The following PCP4L1 variants were observed in gnomAD, a reference collection of about 807,000 sequenced individuals.
PCP4L1 encodes the protein Purkinje cell protein 4 like 1.
Under a neutral mutation model 9.6 loss-of-function variants are expected in PCP4L1, and 9 were observed. That is an observed-to-expected ratio of 0.94 (90% confidence interval 0.57 to 1.64). PCP4L1 has a LOEUF of 1.64. PCP4L1 is among the 40% of genes most tolerant of loss of function. The pLI, the probability that PCP4L1 is intolerant of heterozygous loss-of-function variation, is 0.00. For synonymous variants in PCP4L1, 31 were observed against 28.2 expected (o/e 1.10, Z -0.31); for missense variants, 81 against 80.8 (o/e 1.00, Z -0.01).
chr1:161,269,765 G>A (rs553023317), intron 1 of PCP4L1, among the ~76,000 whole-genome samples: 4 of 152,282 alleles, frequency 2.6e-5, no homozygotes, highest in East Asian at 1.9e-4. Flanking sequence ...TTGGGAGGCC[G>A]AGGCAGGAGT....
At chr1:161,281,711 G>GAT (rs1202082534) in intron 1 of PCP4L1, among the ~76,000 whole-genome samples, 2 of 147,604 alleles carry the variant, frequency 1.4e-5, no homozygotes, top group East Asian at 2.0e-4. Flanking sequence ...CTTCTCAGAC[G>GAT]GGGCGGCCGG....
intron 1 of PCP4L1, 37 bp from the exon 2 acceptor site, chr1:161,283,631 A>C: frequency 6.5e-7 from 1 of 1,541,502 alleles, no homozygotes; most frequent in Non-Finnish European, 8.8e-7. Flanking sequence ...TACTTCCATG[A>C]ATATCTAATA....
intron 1 of PCP4L1, among the ~76,000 whole-genome samples, chr1:161,283,134 C>A (rs12058006): frequency 1.3e-5 from 2 of 152,134 alleles, no homozygotes; most frequent in Non-Finnish European, 2.9e-5. Context: ...TCTCTCCACT[C>A]CAACTACACT....
Position 161,258,895 on chromosome 1 carries a change from A to T in PCP4L1, c.-80A>T. ...CCTGCCGCAGAGCCCGGCAACTTTC[A>T]GCTGTCGCCCGCGGAGCCCCGAGGG... On this transcript the variant is annotated 5_prime_UTR_variant, in exon 1 of 3. Transcript: ENST00000504449. 1 of 1,532,168 alleles carries T rather than the reference A, an allele frequency of 6.5e-7. No individual in the cohort carries two copies. Among genetic ancestry groups the T allele is most frequent in the South Asian group, 1.2e-5 (1 of 83,944 alleles). 94.9% of individuals were successfully genotyped at this position (1,532,168 alleles called of 1,614,324 possible).
intron 1 of PCP4L1, among the ~76,000 whole-genome samples, chr1:161,271,300 T>C (rs1003772256): frequency 2.0e-5 from 3 of 152,232 alleles, no homozygotes; most frequent in African/African-American, 7.2e-5. Flanking sequence ...TCCCAAATGA[T>C]GATGATGTTA....
chr1:161,281,940 C>T (rs1242294943), intron 1 of PCP4L1, among the ~76,000 whole-genome samples: 2 of 150,416 alleles, frequency 1.3e-5, no homozygotes, highest in African/African-American at 4.9e-5. Flanking sequence ...ACATCCCAGA[C>T]GATGGGCGGC....
intron 1 of PCP4L1, among the ~76,000 whole-genome samples, chr1:161,281,602 G>T (rs1407051752): frequency 6.6e-6 from 1 of 151,382 alleles, no homozygotes. Flanking sequence ...CTGGCCAGGA[G>T]GGGGCTGACC....
chr1:161,279,085 T>A (rs950624615), intron 1 of PCP4L1, among the ~76,000 whole-genome samples: 2 of 152,292 alleles, frequency 1.3e-5, no homozygotes, highest in Non-Finnish European at 2.9e-5. Flanking sequence ...ATCTGGCCCA[T>A]GATGATTTTT....
At chr1:161,261,674 T>A (rs914780372) in intron 1 of PCP4L1, among the ~76,000 whole-genome samples, 8 of 152,286 alleles carry the variant, frequency 5.3e-5, no homozygotes, top group Non-Finnish European at 8.8e-5. Context: ...GTATTTCTCA[T>A]CTGCGAGAAG....
At chr1:161,270,022 C>T (rs985851805) in intron 1 of PCP4L1, among the ~76,000 whole-genome samples, 2 of 145,732 alleles carry the variant, frequency 1.4e-5, no homozygotes, top group African/African-American at 2.6e-5. Flanking sequence ...AAGGACTGGG[C>T]GTGGTGGCTC....
chr1:161,269,605 A>G (rs1370693869), intron 1 of PCP4L1, among the ~76,000 whole-genome samples: 2 of 152,234 alleles, frequency 1.3e-5, no homozygotes, highest in Non-Finnish European at 2.9e-5. Flanking sequence ...TAAGAGAACC[A>G]TATGCCAAGG....
chr1:161,272,485 G>T (rs1308273279), intron 1 of PCP4L1, among the ~76,000 whole-genome samples: 2 of 150,694 alleles, frequency 1.3e-5, no homozygotes, highest in Non-Finnish European at 3.0e-5. Context: ...TTGAACCCTG[G>T]AGGCGGAGGT....
chr1:161,268,355 T>C (rs1240735241), intron 1 of PCP4L1, among the ~76,000 whole-genome samples: 1 of 152,154 alleles, frequency 6.6e-6, no homozygotes, highest in Non-Finnish European at 1.5e-5. Flanking sequence ...CCTCTTTCAG[T>C]TCCACTTAGA....
intron 1 of PCP4L1, among the ~76,000 whole-genome samples, chr1:161,260,591 G>GT (rs1669401205): frequency 1.3e-5 from 2 of 152,318 alleles, no homozygotes; most frequent in Admixed American, 6.5e-5. Flanking sequence ...GTTTTCTGGG[G>GT]TAAGTGCACA....
At chr1:161,275,786 A>G (rs967534523) in intron 1 of PCP4L1, among the ~76,000 whole-genome samples, 42 of 150,002 alleles carry the variant, frequency 2.8e-4, no homozygotes, top group African/African-American at 1.0e-3. Flanking sequence ...TACTCCATCT[A>G]GGTCATACTT....
chr1:161,285,233 T>G lies in PCP4L1; in HGVS notation c.*752T>G, dbSNP rs1477302992. ...AATTTTTTTACTGCTGGGAAAAGTG[T>G]ACTACATGAAGGATGCTTGGGGCTT... On this transcript the variant is annotated 3_prime_UTR_variant, in exon 3 of 3. Transcript: ENST00000504449. The G allele has an allele frequency of 2.0e-5, 3 of 152,324 alleles. No homozygotes were observed. The highest frequency in any genetic ancestry group is 4.4e-5 in the Non-Finnish European group (3 of 68,096). 9.4% of individuals were successfully genotyped at this position (152,324 alleles called of 1,614,324 possible).
At chr1:161,264,648 A>G (rs1669499830) in intron 1 of PCP4L1, among the ~76,000 whole-genome samples, 1 of 151,966 alleles carries the variant, frequency 6.6e-6, no homozygotes, top group Non-Finnish European at 1.5e-5. Flanking sequence ...GGGCAACATG[A>G]CAAAACCCTG....
chr1:161,261,603 T>G (rs1265858819), intron 1 of PCP4L1, among the ~76,000 whole-genome samples: 1 of 152,238 alleles, frequency 6.6e-6, no homozygotes, highest in Non-Finnish European at 1.5e-5. Context: ...CCTATAATCC[T>G]TTTTCATACA....
At chr1:161,259,521 C>G (rs1273647801) in intron 1 of PCP4L1, among the ~76,000 whole-genome samples, 1 of 152,164 alleles carries the variant, frequency 6.6e-6, no homozygotes, top group East Asian at 1.9e-4. Flanking sequence ...ATTTAGAAGC[C>G]CCTGCCAGTT....
Sources: gnomAD v4.1 joint callset for allele counts (sites outside exome capture counted in the v4.1 genomes callset) on GRCh38, gnomAD v4.1.1 for gene constraint, MANE v1.5 for transcripts, NCBI Gene and HGNC (gene_info 2026-07-23, HGNC 2026-07-21) for gene names.